The following ZDHHC15 variants were observed in gnomAD, a reference collection of about 807,000 sequenced individuals.
The protein encoded by ZDHHC15 is palmitoyltransferase ZDHHC15.
ZDHHC15 carries 19 observed loss-of-function variants against 31.7 expected under a neutral mutation model. The observed-to-expected ratio is 0.60, with a 90% CI of 0.42 to 0.88. The LOEUF is 0.88. Among genes scored for constraint, ZDHHC15 ranks in the 40% least tolerant of loss-of-function variants. ZDHHC15 has a pLI of 0.00. For missense variants in ZDHHC15, 209 were observed against 251.2 expected, an observed-to-expected ratio of 0.83 and a Z score of 1.14; for synonymous variants, 103 against 90.0, an observed-to-expected ratio of 1.14 and a Z score of -0.82.
chrX:75,404,136 C>T (rs939735873), intron 10 of ZDHHC15, among the ~76,000 whole-genome samples: 11 of 111,788 alleles, frequency 9.8e-5, no homozygotes, highest in Admixed American at 2.9e-4. Context: ...AAAAGACTCC[C>T]TATTCAATAA....
chrX:75,479,031 T>C, intron 2 of ZDHHC15, 46 bp from the exon 3 acceptor site: 1 of 897,443 alleles, frequency 1.1e-6, no homozygotes, highest in East Asian at 3.5e-5. Context: ...TTTTATCCAT[T>C]TCTAAGAATT....
intron 4 of ZDHHC15, among the ~76,000 whole-genome samples, chrX:75,435,776 C>T (rs2083843305): frequency 8.9e-6 from 1 of 111,942 alleles, no homozygotes; most frequent in African/African-American, 3.2e-5. Context: ...CATCTATATT[C>T]ATTAGGAATA....
At chrX:75,507,783 A>T (rs1156752134) in intron 1 of ZDHHC15, among the ~76,000 whole-genome samples, 1 of 111,070 alleles carries the variant, frequency 9.0e-6, no homozygotes, top group Admixed American at 9.7e-5. Flanking sequence ...TTATTTATTG[A>T]CTCTTTGCAA....
At chrX:75,464,216 A>G (rs1397693039) in intron 3 of ZDHHC15, among the ~76,000 whole-genome samples, 3 of 110,880 alleles carry the variant, frequency 2.7e-5, no homozygotes, top group Non-Finnish European at 5.7e-5. Context: ...ATTCTCACTC[A>G]TAGGTGGGAA....
At chrX:75,518,769 GTATATATA>G (rs1162307795) in intron 1 of ZDHHC15, among the ~76,000 whole-genome samples, 10 of 32,584 alleles carry the variant, frequency 3.1e-4, no homozygotes, top group African/African-American at 1.8e-3. Flanking sequence ...TAACAAACTG[GTATATATA>G]TATATATATA....
intron 10 of ZDHHC15, among the ~76,000 whole-genome samples, 191 bp downstream of exon 10, chrX:75,416,896 C>A (rs1211298232): frequency 9.0e-6 from 1 of 111,318 alleles, no homozygotes; most frequent in African/African-American, 3.3e-5. Flanking sequence ...TGGTAAGGAG[C>A]CTCCCAAGCT....
chrX:75,443,498 C>A (rs1237051648), intron 4 of ZDHHC15, among the ~76,000 whole-genome samples: 1 of 111,682 alleles, frequency 9.0e-6, no homozygotes. Flanking sequence ...AAGGTTAGAC[C>A]TAAAACCATA....
At chrX:75,486,330 T>A (rs1265588898) in intron 2 of ZDHHC15, among the ~76,000 whole-genome samples, 1 of 112,341 alleles carries the variant, frequency 8.9e-6, no homozygotes, top group Non-Finnish European at 1.9e-5. Flanking sequence ...CCTGGCTTTA[T>A]CTCACAGAGG....
chrX:75,481,998 T>C (rs1569353388), intron 2 of ZDHHC15, among the ~76,000 whole-genome samples: 1 of 111,887 alleles, frequency 8.9e-6, no homozygotes, highest in Admixed American at 9.5e-5. Flanking sequence ...TAGACCTTGT[T>C]TTTCAGCTAT....
intron 3 of ZDHHC15, among the ~76,000 whole-genome samples, chrX:75,478,474 C>T (rs1426584037): frequency 9.0e-6 from 1 of 111,377 alleles, no homozygotes; most frequent in Non-Finnish European, 1.9e-5. Context: ...CCTCAAACTC[C>T]TGGGTTTAAG....
intron 11 of ZDHHC15, among the ~76,000 whole-genome samples, chrX:75,375,500 T>C (rs1193374445): frequency 1.8e-5 from 2 of 111,369 alleles, no homozygotes; most frequent in Admixed American, 1.9e-4. Flanking sequence ...GGGGTATAGA[T>C]CCCATCACCT....
chrX:75,484,820 G>A (rs1003052427), intron 2 of ZDHHC15, among the ~76,000 whole-genome samples: 1 of 111,932 alleles, frequency 8.9e-6, no homozygotes, highest in Admixed American at 9.5e-5. Context: ...CAAACCAAAT[G>A]TTCCTAAACT....
intron 10 of ZDHHC15, among the ~76,000 whole-genome samples, chrX:75,415,817 G>A (rs1292721881): frequency 8.9e-6 from 1 of 112,520 alleles, no homozygotes; most frequent in South Asian, 3.7e-4. Context: ...TCTTTATGAT[G>A]TGATGCTATA....
intron 10 of ZDHHC15, among the ~76,000 whole-genome samples, chrX:75,413,491 C>G (rs763701858): frequency 1.6e-4 from 18 of 110,592 alleles, no homozygotes; most frequent in Non-Finnish European, 3.0e-4. Flanking sequence ...CATGGTGAAA[C>G]CCCAACTCTA....
chrX:75,410,534 A>G (rs1438243790), intron 10 of ZDHHC15, among the ~76,000 whole-genome samples: 1 of 112,207 alleles, frequency 8.9e-6, no homozygotes, highest in Non-Finnish European at 1.9e-5. Context: ...GGAAATGAAA[A>G]TCAAACCATT....
intron 2 of ZDHHC15, among the ~76,000 whole-genome samples, chrX:75,485,496 G>T (rs2084763001): frequency 9.2e-6 from 1 of 108,781 alleles, no homozygotes. Context: ...ATGTTTCCAT[G>T]TATATATATA....
At chrX:75,497,994 C>T (rs899897885) in intron 2 of ZDHHC15, among the ~76,000 whole-genome samples, 9 of 104,283 alleles carry the variant, frequency 8.6e-5, no homozygotes, top group Admixed American at 5.3e-4. Context: ...AGTGCAATGG[C>T]GTGATCTCAG....
chrX:75,444,496 A>C (rs1176698602), intron 4 of ZDHHC15, among the ~76,000 whole-genome samples: 2 of 101,669 alleles, frequency 2.0e-5, no homozygotes, highest in Admixed American at 1.1e-4. Flanking sequence ...GAGGGATAGC[A>C]TTAGGAGATA....
intron 3 of ZDHHC15, among the ~76,000 whole-genome samples, chrX:75,462,577 G>A (rs932875038): frequency 3.6e-5 from 4 of 112,045 alleles, no homozygotes; most frequent in African/African-American, 1.3e-4. Flanking sequence ...CAGTCTCTCA[G>A]ACCAAAGCAT....
Sources: allele counts gnomAD v4.1 joint callset (sites outside exome capture counted in the v4.1 genomes callset), GRCh38; gene constraint gnomAD v4.1.1; transcripts MANE v1.5; gene names NCBI Gene and HGNC (gene_info 2026-07-23, HGNC 2026-07-21).